Variants in ZNF385D observed in about 807,000 individuals in gnomAD.
ZNF385D encodes zinc finger protein 385D, also known as zinc finger protein 659.
A neutral mutation model predicts 35.8 loss-of-function variants in ZNF385D; 15 were observed. That is an observed-to-expected ratio of 0.42 (90% CI 0.28 to 0.64). The LOEUF is 0.64. ZNF385D is among the 30% of genes least tolerant of loss of function. The pLI, the probability that ZNF385D is intolerant of heterozygous loss-of-function variation, is 0.23. For missense variants in ZNF385D, 474 were observed against 494.6 expected, an observed-to-expected ratio of 0.96 and a Z score of 0.39; for synonymous variants, 212 against 186.8, an observed-to-expected ratio of 1.13 and a Z score of -1.10.
At chr3:21,639,284 C>T (rs1033983501) in intron 2 of ZNF385D, among the ~76,000 whole-genome samples, 1 of 151,940 alleles carries the variant, frequency 6.6e-6, no homozygotes, top group Non-Finnish European at 1.5e-5. Flanking sequence ...TGACTCCCTC[C>T]ACTAAAATGC....
At chr3:21,755,534 T>C (rs993667916), upstream of ZNF385D, among the ~76,000 whole-genome samples, 1 of 152,186 alleles carries the variant, frequency 6.6e-6, no homozygotes, top group Non-Finnish European at 1.5e-5. Context: ...TCTTTGGGTG[T>C]CTGTTTAAAT....
chr3:22,020,184 G>A (rs1366423600), intron 3 of ZNF385D, among the ~76,000 whole-genome samples: 2 of 151,762 alleles, frequency 1.3e-5, no homozygotes. Flanking sequence ...TACATGACAA[G>A]GAATTCTTAA....
chr3:21,549,286 G>T lies in ZNF385D; in HGVS notation c.276+15288C>A, dbSNP rs552638412. Among the ~76,000 whole-genome samples the T allele has an allele frequency of 3.7e-3, 560 of 152,274 alleles. 7 individuals carry two copies. The highest frequency in any genetic ancestry group is 0.013 in the African/African-American group (533 of 41,548). On this transcript the variant is annotated intron_variant, in intron 3 of 7. Coordinates refer to ENST00000281523, the MANE Select transcript of ZNF385D (RefSeq NM_024697.3). ...AGTCCTGAAATGACCTAATATTGGG[G>T]TTTTATTTTTAAAAGCCTGCCAAAG...
intron 4 of ZNF385D, among the ~76,000 whole-genome samples, chr3:21,489,868 T>G (rs1705296301): frequency 6.6e-6 from 1 of 152,056 alleles, no homozygotes; most frequent in Admixed American, 6.6e-5. Context: ...ATACCAATCT[T>G]CTGGTTATGG....
Position 21,750,973 on chromosome 3 carries a change from C to G in ZNF385D, c.-57G>C. The G allele has an allele frequency of 6.2e-7, 1 of 1,613,754 alleles. No homozygotes were observed. ...CTTCAGCATCAGCTCTCACCCAAGG[C>G]TGGCACGTAGAGCAGAGCCCTTTCA... On this transcript the variant is annotated 5_prime_UTR_variant, in exon 1 of 8. Transcript: ENST00000281523.
intron 2 of ZNF385D, among the ~76,000 whole-genome samples, chr3:21,662,282 CCATCT>C (rs2066261865): frequency 6.6e-6 from 1 of 152,116 alleles, no homozygotes; most frequent in Admixed American, 6.6e-5. Flanking sequence ...CAGGTGCTGA[CCATCT>C]CATGAATGCC....
chr3:21,713,876 T>A (rs185181565), intron 1 of ZNF385D, among the ~76,000 whole-genome samples: 13 of 152,292 alleles, frequency 8.5e-5, no homozygotes, highest in Admixed American at 7.8e-4. Context: ...AGTTTACATG[T>A]CACTCTCCTT....
intron 1 of ZNF385D, among the ~76,000 whole-genome samples, chr3:21,702,118 T>G (rs1179560621): frequency 6.6e-6 from 1 of 152,212 alleles, no homozygotes; most frequent in Non-Finnish European, 1.5e-5. Flanking sequence ...ATATTTCCCT[T>G]CTGTACTGCC....
chr3:21,446,650 C>T (rs1026925927), intron 4 of ZNF385D, among the ~76,000 whole-genome samples: 2 of 151,750 alleles, frequency 1.3e-5, no homozygotes, highest in Non-Finnish European at 2.9e-5. Context: ...TGTGCCACCA[C>T]ACCTGGCTAA....
chr3:21,751,694 G>T (rs1454652934), upstream of ZNF385D, among the ~76,000 whole-genome samples: 1 of 152,094 alleles, frequency 6.6e-6, no homozygotes, highest in Non-Finnish European at 1.5e-5. Flanking sequence ...GGTAATAGAG[G>T]TTCACACTTA....
chr3:21,770,083 A>T (rs947048230), intron 3 of ZNF385D, among the ~76,000 whole-genome samples: 9 of 152,180 alleles, frequency 5.9e-5, no homozygotes, highest in Non-Finnish European at 1.2e-4. Context: ...TACAAAAATT[A>T]ATTCAAGATG....
chr3:21,595,428 TGTA>T (rs1471986854), intron 2 of ZNF385D, among the ~76,000 whole-genome samples: 7 of 150,036 alleles, frequency 4.7e-5, no homozygotes, highest in African/African-American at 1.5e-4. Context: ...GCTTTATATA[TGTA>T]GTATATGTAC....
chr3:21,771,125 G>T (rs910222160), intron 3 of ZNF385D, among the ~76,000 whole-genome samples: 14 of 151,488 alleles, frequency 9.2e-5, no homozygotes, highest in Non-Finnish European at 1.6e-4. Context: ...AGCATTAGGA[G>T]ATATACCTAA....
intron 3 of ZNF385D, among the ~76,000 whole-genome samples, chr3:22,107,497 C>T (rs1055005951): frequency 6.6e-6 from 1 of 151,966 alleles, no homozygotes; most frequent in African/African-American, 2.4e-5. Context: ...TCTAGATTTT[C>T]TGATATAAAA....
intron 2 of ZNF385D, among the ~76,000 whole-genome samples, chr3:21,594,851 G>A (rs2064085473): frequency 6.6e-6 from 1 of 152,036 alleles, no homozygotes; most frequent in Non-Finnish European, 1.5e-5. Context: ...ATGAGCTGCT[G>A]AACCCATGAT....
intron 1 of ZNF385D, among the ~76,000 whole-genome samples, chr3:21,718,127 G>A (rs898663655): frequency 6.6e-6 from 1 of 152,172 alleles, no homozygotes. Context: ...AGTGAACAGG[G>A]TTGCTTGGCA....
At chr3:21,700,182 G>C (rs1421749870) in intron 1 of ZNF385D, among the ~76,000 whole-genome samples, 1 of 152,018 alleles carries the variant, frequency 6.6e-6, no homozygotes, top group Non-Finnish European at 1.5e-5. Flanking sequence ...GAGAATGTCG[G>C]GGCCAGGTTG....
chr3:21,455,395 C>A (rs1702736939), intron 4 of ZNF385D, among the ~76,000 whole-genome samples: 1 of 152,164 alleles, frequency 6.6e-6, no homozygotes, highest in South Asian at 2.1e-4. Context: ...GAGACATAGA[C>A]CAATGGAACG....
intron 3 of ZNF385D, among the ~76,000 whole-genome samples, chr3:22,109,269 CAA>C (rs1702386465): frequency 6.6e-6 from 1 of 152,072 alleles, no homozygotes; most frequent in Non-Finnish European, 1.5e-5. Context: ...CTTATCAACT[CAA>C]TAATAATTTA....
Sources: allele counts gnomAD v4.1 joint callset (sites outside exome capture counted in the v4.1 genomes callset), GRCh38; gene constraint gnomAD v4.1.1; transcripts MANE v1.5; gene names NCBI Gene and HGNC (gene_info 2026-07-23, HGNC 2026-07-21).